The following CDC42EP4 variants were observed in gnomAD, a reference collection of about 807,000 sequenced individuals.
CDC42EP4 encodes CDC42 effector protein 4, also known as CDC42 effector protein (Rho GTPase binding) 4.
In CDC42EP4, 6 loss-of-function variants were observed where a neutral mutation model predicts 5.6. The ratio of observed to expected loss-of-function variants is 1.07; its 90% confidence interval spans 0.59 to 2.12. The LOEUF (loss-of-function observed/expected upper bound fraction) is 2.12. Ranked by LOEUF, CDC42EP4 falls within the 30% of genes most tolerant of loss-of-function variation. The pLI is 0.00. For synonymous variants in CDC42EP4, 230 were observed against 224.2 expected (o/e 1.03, Z -0.23); for missense variants, 490 against 508.6 (o/e 0.96, Z 0.35).
At chr17:73,294,307 G>A (rs894092287) in intron 1 of CDC42EP4, among the ~76,000 whole-genome samples, 2 of 152,096 alleles carry the variant, frequency 1.3e-5, no homozygotes, top group Non-Finnish European at 2.9e-5. Context: ...AGCTGAGATC[G>A]CGCCACTGCA....
chr17:73,301,834 C>T (rs143688047), intron 1 of CDC42EP4, among the ~76,000 whole-genome samples: 2 of 151,966 alleles, frequency 1.3e-5, no homozygotes, highest in East Asian at 1.9e-4. Context: ...AGCGTCCAGG[C>T]GTGCGCCACC....
intron 1 of CDC42EP4, chr17:73,307,247 C>T (rs988310958): frequency 7.2e-5 from 11 of 152,236 alleles, no homozygotes; most frequent in African/African-American, 2.4e-4. Context: ...CTGTTCCTGG[C>T]AAGGGAGGGC....
At chr17:73,290,671 G>T (rs1411257674) in intron 1 of CDC42EP4, among the ~76,000 whole-genome samples, 2 of 152,208 alleles carry the variant, frequency 1.3e-5, no homozygotes, top group African/African-American at 4.8e-5. Flanking sequence ...GATAGAGCAG[G>T]TATGCTCACC....
chr17:73,300,954 A>G (rs2062216388), intron 1 of CDC42EP4, among the ~76,000 whole-genome samples: 1 of 151,928 alleles, frequency 6.6e-6, no homozygotes. Flanking sequence ...CTGAGGCAGG[A>G]AGTATTGCTT....
chr17:73,301,119 T>C (rs2145322561), intron 1 of CDC42EP4, among the ~76,000 whole-genome samples: 1 of 151,478 alleles, frequency 6.6e-6, no homozygotes, highest in Middle Eastern at 3.5e-3. Context: ...AAATACACAC[T>C]GGACTTCTAA....
At chr17:73,291,271 A>G (rs1474639062) in intron 1 of CDC42EP4, among the ~76,000 whole-genome samples, 1 of 152,134 alleles carries the variant, frequency 6.6e-6, no homozygotes, top group East Asian at 1.9e-4. Context: ...GTTGGGGCCT[A>G]GAGGGAGTCA....
rs115697949 is a variant in CDC42EP4, at chr17:73,286,951, C to A, written c.-112-339G>T. The stretch of plus-strand genomic sequence containing the variant: ...GTAAACATGACCACATTTAAGGACG[C>A]GAAGGTAAATCCAGCAATTCCAGGC... On this transcript the variant is annotated intron_variant, in intron 1 of 1. Transcript: ENST00000335793. This position sits in a 1 kb window ranked among gnomAD's most constrained non-coding sequence, Gnocchi z 7.7. 3 of 164,742 alleles carry A rather than the reference C, an allele frequency of 1.8e-5. No individual in the cohort carries two copies. The highest frequency in any genetic ancestry group is 3.4e-4 in the South Asian group (2 of 5,864). 10.2% of individuals were successfully genotyped at this position (164,742 alleles called of 1,614,324 possible).
chr17:73,301,057 A>T (rs1440013024), intron 1 of CDC42EP4, among the ~76,000 whole-genome samples: 33 of 122,502 alleles, frequency 2.7e-4, no homozygotes, highest in Admixed American at 1.3e-3. Context: ...CAAAAAAATT[A>T]AAAAAAAAAA....
intron 1 of CDC42EP4, among the ~76,000 whole-genome samples, chr17:73,299,516 G>C (rs915634010): frequency 6.6e-6 from 1 of 150,894 alleles, no homozygotes; most frequent in African/African-American, 2.4e-5. Context: ...TGTTGCCCAG[G>C]CTGCTCTTGA....
intron 1 of CDC42EP4, among the ~76,000 whole-genome samples, chr17:73,300,855 C>T (rs371485143): frequency 2.0e-5 from 3 of 151,780 alleles, no homozygotes; most frequent in East Asian, 1.9e-4. Context: ...GAAACCAGAC[C>T]GGCCAGCATG....
At chr17:73,295,678 G>A (rs1442469765) in intron 1 of CDC42EP4, among the ~76,000 whole-genome samples, 2 of 152,056 alleles carry the variant, frequency 1.3e-5, no homozygotes, top group Admixed American at 6.6e-5. Flanking sequence ...TGAGGTAGGT[G>A]GATCACCTGA....
chr17:73,285,522 C>T lies in CDC42EP4; in HGVS notation c.979G>A (p.Gly327Arg), dbSNP rs770455154. Residue 327 changes from glycine (G) to arginine (R), a missense_variant, in exon 2 of 2, where the codon GGG (glycine) becomes AGG (arginine). Transcript: ENST00000335793. The surrounding 1 kb of genome is among the most constrained non-coding windows in gnomAD (Gnocchi z 6.8). Reference sequence around the variant, plus strand: ...ACAGCAGCCCGGGCCCTGTCCGGCCCCCGGAAGGCAGGGCTGCGCTCCTCC... The same window carrying T: ...ACAGCAGCCCGGGCCCTGTCCGGCCTCCGGAAGGCAGGGCTGCGCTCCTCC... The part of the protein sequence containing the change: ...ILEERSPAFR[G>R]PDRARAAVSR... 1.2e-5 allele frequency: 19 copies of T among 1,610,494 alleles called. No homozygotes were observed. In the Middle Eastern group the frequency reaches 1.7e-3, roughly 140 times the overall value.
At chr17:73,301,928 G>A (rs1031836549) in intron 1 of CDC42EP4, among the ~76,000 whole-genome samples, 1 of 152,094 alleles carries the variant, frequency 6.6e-6, no homozygotes, top group Non-Finnish European at 1.5e-5. Flanking sequence ...GACCTTAGGT[G>A]ATCCACCCAC....
intron 1 of CDC42EP4, among the ~76,000 whole-genome samples, chr17:73,288,734 C>T (rs893850831): frequency 6.6e-6 from 1 of 152,182 alleles, no homozygotes; most frequent in Non-Finnish European, 1.5e-5. Context: ...CCTGACCTCT[C>T]TGCATCCTCA....
intron 1 of CDC42EP4, among the ~76,000 whole-genome samples, chr17:73,290,984 C>T (rs906478018): frequency 9.9e-5 from 15 of 152,158 alleles, no homozygotes; most frequent in East Asian, 1.9e-4. Context: ...GACAGCTCCC[C>T]GCATCCCATT....
chr17:73,304,162 C>T (rs1407509644), intron 1 of CDC42EP4, among the ~76,000 whole-genome samples: 1 of 152,170 alleles, frequency 6.6e-6, no homozygotes, highest in African/African-American at 2.4e-5. Context: ...TATTCCTGGG[C>T]CACATGTCAT....
chr17:73,305,708 C>A (rs1250830923), intron 1 of CDC42EP4, among the ~76,000 whole-genome samples: 1 of 152,208 alleles, frequency 6.6e-6, no homozygotes, highest in African/African-American at 2.4e-5. Context: ...GTGCTGTGCT[C>A]GGGTGAGCAC....
chr17:73,307,723 C>G (rs973102713), intron 1 of CDC42EP4, among the ~76,000 whole-genome samples: 1 of 150,026 alleles, frequency 6.7e-6, no homozygotes, highest in African/African-American at 2.4e-5. Context: ...GCTGGGATTA[C>G]AGGTGTGAGC....
intron 1 of CDC42EP4, among the ~76,000 whole-genome samples, chr17:73,294,782 G>A (rs944458676): frequency 6.6e-6 from 1 of 152,046 alleles, no homozygotes; most frequent in East Asian, 1.9e-4. Context: ...GTTTTGGTGT[G>A]TTCTTTCTAA....
Sources: allele counts gnomAD v4.1 joint callset (sites outside exome capture counted in the v4.1 genomes callset), GRCh38; gene constraint gnomAD v4.1.1; non-coding constraint Gnocchi (gnomAD v3.1); transcripts MANE v1.5; gene names NCBI Gene and HGNC (gene_info 2026-07-23, HGNC 2026-07-21).